ATRNL1: variants seen among roughly 807,000 people sequenced by gnomAD.
ATRNL1 encodes the protein attractin-like protein 1.
In ATRNL1, 95 loss-of-function variants were observed where a neutral mutation model predicts 182.7. That is an observed-to-expected ratio of 0.52 (90% CI 0.44 to 0.62). The LOEUF is 0.62. ATRNL1 is among the 20% of genes least tolerant of loss of function. The pLI is 0.00. For synonymous variants in ATRNL1, 576 were observed against 568.3 expected (o/e 1.01, Z -0.19); for missense variants, 1,471 against 1,679.5 (o/e 0.88, Z 2.17).
At chr10:115,792,745 A>G (rs531649611) in intron 27 of ATRNL1, among the ~76,000 whole-genome samples, 1 of 152,068 alleles carries the variant, frequency 6.6e-6, no homozygotes, top group South Asian at 2.1e-4. Context: ...TTTTTCATTT[A>G]TTTCTTCATT....
intron 28 of ATRNL1, among the ~76,000 whole-genome samples, chr10:115,918,353 T>C: frequency 6.6e-6 from 1 of 152,132 alleles, no homozygotes; most frequent in East Asian, 1.9e-4. Flanking sequence ...TCCGCCCACC[T>C]TGGCCTCGCA....
At chr10:115,256,271 C>CT (rs1221521711) in intron 10 of ATRNL1, among the ~76,000 whole-genome samples, 1 of 151,996 alleles carries the variant, frequency 6.6e-6, no homozygotes, top group African/African-American at 2.4e-5. Flanking sequence ...TGGTCCTGGA[C>CT]TTTTTTTGTT....
chr10:115,578,115 G>A (rs1854838927), intron 26 of ATRNL1, among the ~76,000 whole-genome samples: 1 of 151,740 alleles, frequency 6.6e-6, no homozygotes, highest in Admixed American at 6.6e-5. Flanking sequence ...ACTTAGTCAT[G>A]GTGAATAATC....
intron 18 of ATRNL1, among the ~76,000 whole-genome samples, chr10:115,331,379 A>C (rs1855215286): frequency 6.6e-6 from 1 of 151,764 alleles, no homozygotes; most frequent in Non-Finnish European, 1.5e-5. Flanking sequence ...TTTTCCTTTC[A>C]TTTATTATTC....
chr10:115,830,119 T>G (rs1318398327), intron 27 of ATRNL1, among the ~76,000 whole-genome samples: 1 of 152,246 alleles, frequency 6.6e-6, no homozygotes, highest in Non-Finnish European at 1.5e-5. Context: ...CAGTTCCTGG[T>G]GCATTGGCGG....
At chr10:115,551,814 C>T (rs1267669514) in intron 26 of ATRNL1, among the ~76,000 whole-genome samples, 1 of 151,060 alleles carries the variant, frequency 6.6e-6, no homozygotes, top group East Asian at 1.9e-4. Flanking sequence ...TACAATTGTC[C>T]CCCCTTATCC....
chr10:115,135,020 T>C (rs1554876250), intron 5 of ATRNL1, among the ~76,000 whole-genome samples: 2 of 152,056 alleles, frequency 1.3e-5, no homozygotes, highest in African/African-American at 4.8e-5. Flanking sequence ...AAATTCGGTA[T>C]TGATGGGATG....
At chr10:115,804,064 C>T (rs567379587) in intron 27 of ATRNL1, among the ~76,000 whole-genome samples, 1 of 152,100 alleles carries the variant, frequency 6.6e-6, no homozygotes, top group African/African-American at 2.4e-5. Context: ...TTAATTTTTA[C>T]AGTAACTGTT....
At chr10:115,286,102 AAT>A in intron 14 of ATRNL1, 112 bp from the exon 15 acceptor site, 1 of 579,780 alleles carries the variant, frequency 1.7e-6, no homozygotes, top group East Asian at 3.1e-5. Flanking sequence ...TGAGATATTT[AAT>A]ATGTTTTATT....
intron 26 of ATRNL1, among the ~76,000 whole-genome samples, chr10:115,575,423 T>G (rs2133871850): frequency 6.6e-6 from 1 of 152,250 alleles, no homozygotes; most frequent in Non-Finnish European, 1.5e-5. Flanking sequence ...TCTGTATACT[T>G]TCTTGCATTT....
intron 18 of ATRNL1, among the ~76,000 whole-genome samples, chr10:115,326,498 G>C (rs558479704): frequency 8.0e-4 from 121 of 152,178 alleles, no homozygotes; most frequent in Non-Finnish European, 1.4e-3. Context: ...CATGAAAATG[G>C]CCATACTGCC....
chr10:115,141,043 T>C (rs1426591593), intron 5 of ATRNL1, among the ~76,000 whole-genome samples: 1 of 152,154 alleles, frequency 6.6e-6, no homozygotes, highest in Non-Finnish European at 1.5e-5. Flanking sequence ...CATTTATCCC[T>C]GTTTATAATT....
Position 115,597,691 on chromosome 10 carries a change from C to T in ATRNL1, c.3795+48155C>T, listed in dbSNP as rs527902696. On this transcript the variant is annotated intron_variant, in intron 26 of 28. Coordinates refer to ENST00000355044, the MANE Select transcript of ATRNL1 (RefSeq NM_207303.4). ...GGGTCAAGCAATTCTCCATTACAGG[C>T]GCCCACTACCACGCTCAGCTAATTT... 4.9e-4 allele frequency: 222 copies of T among 448,910 alleles called. 1 individual carries two copies. Among genetic ancestry groups the T allele is most frequent in the East Asian group, 8.0e-4 (11 of 13,758 alleles). 27.8% of individuals were successfully genotyped at this position (448,910 alleles called of 1,614,324 possible). A position where few individuals can be genotyped will look rare whatever the true frequency, so the allele number is the denominator to read the frequency against.
At chr10:115,334,528 A>T (rs1317830371) in intron 19 of ATRNL1, 109 bp downstream of exon 19, 1 of 697,982 alleles carries the variant, frequency 1.4e-6, no homozygotes, top group Non-Finnish European at 2.1e-6. Context: ...TTTTTTACTC[A>T]GTTTTAGTAT....
chr10:115,713,745 T>TATCG, intron 26 of ATRNL1, among the ~76,000 whole-genome samples: 1 of 151,968 alleles, frequency 6.6e-6, no homozygotes, highest in East Asian at 1.9e-4. Context: ...TCTATCTATC[T>TATCG]ATCTATAGTC....
intron 20 of ATRNL1, among the ~76,000 whole-genome samples, chr10:115,412,828 A>C (rs188957050): frequency 6.6e-6 from 1 of 152,180 alleles, no homozygotes; most frequent in Non-Finnish European, 1.5e-5. Context: ...AGTAATTTAC[A>C]TTTTATATCT....
intron 8 of ATRNL1, among the ~76,000 whole-genome samples, chr10:115,206,945 T>G (rs1554893939): frequency 6.6e-6 from 1 of 152,188 alleles, no homozygotes; most frequent in African/African-American, 2.4e-5. Flanking sequence ...GGTGTTTGGT[T>G]TTCTGTCCTT....
chr10:115,106,309 C>G (rs1844007621), intron 1 of ATRNL1, among the ~76,000 whole-genome samples: 1 of 152,210 alleles, frequency 6.6e-6, no homozygotes, highest in Non-Finnish European at 1.5e-5. Flanking sequence ...CCTATACCCC[C>G]ATTGTATCTA....
intron 18 of ATRNL1, among the ~76,000 whole-genome samples, chr10:115,319,642 C>CTT (rs377100126): frequency 1.4e-5 from 2 of 148,004 alleles, no homozygotes; most frequent in African/African-American, 5.0e-5. Flanking sequence ...TATGTAATGC[C>CTT]TTTTTTTTTG....
Sources: allele counts gnomAD v4.1 joint callset (sites outside exome capture counted in the v4.1 genomes callset), GRCh38; gene constraint gnomAD v4.1.1; transcripts MANE v1.5; gene names NCBI Gene and HGNC (gene_info 2026-07-23, HGNC 2026-07-21).